Variants in PTPRK observed in about 807,000 individuals in gnomAD.
PTPRK encodes the protein receptor-type tyrosine-protein phosphatase kappa.
In PTPRK, 75 loss-of-function variants were observed where a neutral mutation model predicts 178.0. The ratio of observed to expected loss-of-function variants is 0.42; its 90% CI spans 0.35 to 0.51. The LOEUF is 0.51. Among genes scored for constraint, PTPRK ranks in the 20% least tolerant of loss-of-function variants. The pLI is 0.02. For synonymous variants in PTPRK, 637 were observed against 620.6 expected (o/e 1.03, Z -0.39); for missense variants, 1,441 against 1,797.8 (o/e 0.80, Z 3.59).
chr6:128,273,056 G>GC (rs1820122451), intron 3 of PTPRK, among the ~76,000 whole-genome samples: 1 of 152,188 alleles, frequency 6.6e-6, no homozygotes, highest in African/African-American at 2.4e-5. Flanking sequence ...CATGTCCTTT[G>GC]TAGGGACATG....
intron 1 of PTPRK, among the ~76,000 whole-genome samples, chr6:128,445,171 T>G (rs979668048): frequency 3.0e-5 from 4 of 134,520 alleles, no homozygotes; most frequent in Non-Finnish European, 6.5e-5. Context: ...CTGAGCAAAA[T>G]AGCAAGACCC....
In PTPRK at chr6:127,977,098, T is replaced by C. The variant is rs757289377; in HGVS notation, c.3712-44A>G. The C allele has an allele frequency of 3.8e-6, 6 of 1,589,700 alleles. No individual in the cohort carries two copies. In the South Asian group the frequency reaches 5.5e-5, roughly 15 times the overall value. ...GATGGAGAAATATAAAAACTTAAAA[T>C]GTATGATCGGTTGTACAAACAGATA... On this transcript the variant is annotated intron_variant, in intron 25 of 29. Coordinates refer to ENST00000368226, the MANE Select transcript of PTPRK (RefSeq NM_002844.4).
intron 2 of PTPRK, among the ~76,000 whole-genome samples, chr6:128,366,157 C>T (rs117126722): frequency 3.5e-3 from 535 of 152,164 alleles, no homozygotes; most frequent in Non-Finnish European, 6.6e-3. Flanking sequence ...ATGAAGCGAG[C>T]CTTAGACACT....
chr6:128,450,281 A>AT (rs1351298287), intron 1 of PTPRK, among the ~76,000 whole-genome samples: 2 of 152,220 alleles, frequency 1.3e-5, no homozygotes, highest in Non-Finnish European at 2.9e-5. Context: ...CTATTAAGAA[A>AT]TTCACTGTGA....
chr6:128,362,696 G>C (rs1834942117), intron 2 of PTPRK, among the ~76,000 whole-genome samples: 1 of 152,104 alleles, frequency 6.6e-6, no homozygotes, highest in Admixed American at 6.6e-5. Context: ...TTTCCAGTTT[G>C]CTGAAATGAA....
At chr6:128,400,922 A>G (rs189947670) in intron 1 of PTPRK, among the ~76,000 whole-genome samples, 1 of 152,324 alleles carries the variant, frequency 6.6e-6, no homozygotes, top group African/African-American at 2.4e-5. Context: ...ACTGGTGTTC[A>G]AGAAATTTAG....
intron 3 of PTPRK, chr6:128,321,150 T>C (rs1319392508): frequency 6.6e-6 from 1 of 152,176 alleles, no homozygotes; most frequent in Non-Finnish European, 1.5e-5. Context: ...AGTTTATATA[T>C]TGCTTGCTGA....
chr6:128,459,419 C>T (rs994957662), intron 1 of PTPRK, among the ~76,000 whole-genome samples: 2 of 152,148 alleles, frequency 1.3e-5, no homozygotes, highest in Admixed American at 6.6e-5. Flanking sequence ...AAGCCATTCT[C>T]CCACCACCTG....
At chr6:128,364,262 T>A (rs1284898471) in intron 2 of PTPRK, among the ~76,000 whole-genome samples, 1 of 152,080 alleles carries the variant, frequency 6.6e-6, no homozygotes, top group Non-Finnish European at 1.5e-5. Flanking sequence ...CAAGGCATAA[T>A]TTTTCTTATA....
At position 127,979,318 on chromosome 6, in the gene PTPRK, A is replaced by G. The variant is rs189416829; in HGVS notation, c.3711+1798T>C. ...GAAAAGAAAAGGAGACAATCTGGACATTGAGAAAAATTTGACAAAGATGCC... is the reference window on the plus strand; with the variant it reads ...GAAAAGAAAAGGAGACAATCTGGACGTTGAGAAAAATTTGACAAAGATGCC... On this transcript the variant is annotated intron_variant, in intron 25 of 29. Coordinates refer to ENST00000368226, the MANE Select transcript of PTPRK (RefSeq NM_002844.4). Among the ~76,000 whole-genome samples the G allele has an allele frequency of 6.6e-5, 10 of 152,350 alleles. No homozygotes were observed. The East Asian group carries it at 1.9e-3, about 29-fold the overall frequency.
intron 6 of PTPRK, among the ~76,000 whole-genome samples, chr6:128,191,688 TTTTA>T (rs1331109899): frequency 6.6e-6 from 1 of 151,964 alleles, no homozygotes; most frequent in East Asian, 1.9e-4. Flanking sequence ...ATATATTCAA[TTTTA>T]TTTGTTAATC....
chr6:128,496,458 G>A (rs976658426), intron 1 of PTPRK, among the ~76,000 whole-genome samples: 17 of 152,082 alleles, frequency 1.1e-4, no homozygotes, highest in African/African-American at 4.1e-4. Context: ...GCAGAATGTT[G>A]TAAATATGGT....
chr6:128,419,487 C>A (rs1164838842), intron 1 of PTPRK, among the ~76,000 whole-genome samples: 3 of 151,924 alleles, frequency 2.0e-5, no homozygotes, highest in Non-Finnish European at 4.4e-5. Context: ...TGGTGGCGGG[C>A]ACCTGTAGTC....
At chr6:128,012,471 G>A (rs926570849) in intron 13 of PTPRK, among the ~76,000 whole-genome samples, 1 of 151,156 alleles carries the variant, frequency 6.6e-6, no homozygotes, top group African/African-American at 2.4e-5. Flanking sequence ...AGACAATGTG[G>A]AGCACCTTTT....
intron 11 of PTPRK, among the ~76,000 whole-genome samples, chr6:128,077,171 A>C (rs1015903428): frequency 1.3e-5 from 2 of 152,012 alleles, no homozygotes; most frequent in African/African-American, 4.8e-5. Flanking sequence ...CTAAAAAGTA[A>C]ATTTTATCAC....
intron 11 of PTPRK, among the ~76,000 whole-genome samples, chr6:128,077,796 T>C (rs932329671): frequency 2.0e-5 from 3 of 151,990 alleles, no homozygotes; most frequent in African/African-American, 7.2e-5. Context: ...GTTGTAACAA[T>C]TTGACTTAGT....
At chr6:128,437,956 C>A (rs6939303) in intron 1 of PTPRK, among the ~76,000 whole-genome samples, 6,558 of 152,350 alleles carry the variant, frequency 0.043, 484 homozygotes, top group African/African-American at 0.15. Flanking sequence ...ATACCCAAAT[C>A]CGTGCATACT....
chr6:128,326,303 T>C (rs1356524316), intron 2 of PTPRK, among the ~76,000 whole-genome samples: 1 of 152,110 alleles, frequency 6.6e-6, no homozygotes, highest in Non-Finnish European at 1.5e-5. Context: ...GAACTTAAAG[T>C]ATATTTTAAA....
intron 13 of PTPRK, among the ~76,000 whole-genome samples, chr6:128,056,141 G>T (rs1779854810): frequency 6.6e-6 from 1 of 151,820 alleles, no homozygotes; most frequent in Non-Finnish European, 1.5e-5. Context: ...GGATGCCTCT[G>T]TGAAGCTTCC....
Sources: gnomAD v4.1 joint callset for allele counts (sites outside exome capture counted in the v4.1 genomes callset) on GRCh38, gnomAD v4.1.1 for gene constraint, MANE v1.5 for transcripts, NCBI Gene and HGNC (gene_info 2026-07-23, HGNC 2026-07-21) for gene names.